The following FLCN variants were observed in gnomAD, a reference collection of about 807,000 sequenced individuals.
The protein encoded by FLCN is BHD skin lesion fibrofolliculoma protein.
In FLCN, 22 loss-of-function variants were observed where a neutral mutation model predicts 62.5. The ratio of observed to expected loss-of-function variants is 0.35; its 90% CI spans 0.25 to 0.50. FLCN has a LOEUF of 0.50. Ranked by LOEUF, FLCN falls within the 20% of genes least tolerant of loss-of-function variation. FLCN has a pLI of 0.97. For synonymous variants in FLCN, 319 were observed against 310.0 expected (o/e 1.03, Z -0.30); for missense variants, 657 against 778.0 (o/e 0.84, Z 1.85).
chr17:17,230,347 G>A (rs147077200), intron 3 of FLCN, among the ~76,000 whole-genome samples: 2,191 of 151,946 alleles, frequency 0.014, 33 homozygotes, highest in Non-Finnish European at 0.022. Context: ...CCTGGCCGAC[G>A]CAGTGAAACC....
At chr17:17,233,295 A>T (rs1424805978) in intron 1 of FLCN, among the ~76,000 whole-genome samples, 2 of 152,100 alleles carry the variant, frequency 1.3e-5, no homozygotes, top group Non-Finnish European at 2.9e-5. Flanking sequence ...TCTACAAAAA[A>T]TTTTTAAAAA....
At chr17:17,234,114 GT>G (rs2047506861) in intron 1 of FLCN, among the ~76,000 whole-genome samples, 1 of 151,472 alleles carries the variant, frequency 6.6e-6, no homozygotes, top group Non-Finnish European at 1.5e-5. Flanking sequence ...AGGCCTGGCA[GT>G]TTCCTTCTCA....
At chr17:17,226,869 AG>A (rs1206756756) in intron 4 of FLCN, among the ~76,000 whole-genome samples, 6 of 152,208 alleles carry the variant, frequency 3.9e-5, no homozygotes, top group Non-Finnish European at 7.4e-5. Flanking sequence ...GCCCCGCTGC[AG>A]CCACAGCCAC....
chr17:17,221,654 G>A (rs2047095204), intron 7 of FLCN, 26 bp from the exon 8 acceptor site: 2 of 1,601,540 alleles, frequency 1.2e-6, no homozygotes, highest in Middle Eastern at 1.7e-4. Context: ...CCAGCTATGA[G>A]CGTTCTCGCC....
chr17:17,231,175 G>C (rs1166163317), intron 3 of FLCN, among the ~76,000 whole-genome samples: 1 of 152,194 alleles, frequency 6.6e-6, no homozygotes, highest in Non-Finnish European at 1.5e-5. Context: ...AGTCCAGCCT[G>C]GGCGACAGAG....
rs41419545 is a variant in FLCN, at chr17:17,215,284, C to G, written c.1333G>C (p.Ala445Pro). Residue 445 changes from alanine (A) to proline (P), a missense_variant, in exon 12 of 14, where the codon GCA becomes CCA. Transcript: ENST00000285071. Reference sequence around the variant, plus strand: ...CCCACAGGGTGGAGGGTGGAACGTGCGGCTGCGTGGACCTCCACGATGACA... The same window carrying G: ...CCCACAGGGTGGAGGGTGGAACGTGGGGCTGCGTGGACCTCCACGATGACA... ...FAVIVEVHAA[A>P]RSTLHPVGCE... 3.1e-6 allele frequency: 5 copies of G among 1,613,964 alleles called. No individual in the cohort carries two copies. Among genetic ancestry groups the G allele is most frequent in the Non-Finnish European group, 4.2e-6 (5 of 1,180,034 alleles).
chr17:17,227,848 T>C (rs957947029), intron 4 of FLCN, 41 bp downstream of exon 4: 6 of 1,613,634 alleles, frequency 3.7e-6, no homozygotes, highest in Non-Finnish European at 5.1e-6. Context: ...ATCCCACACC[T>C]ACTGCAGGGA....
At chr17:17,222,785 A>G in intron 6 of FLCN, 124 bp from the exon 7 acceptor site, 1 of 1,128,610 alleles carries the variant, frequency 8.9e-7, no homozygotes, top group South Asian at 1.3e-5. Context: ...TACTCTCTCC[A>G]TGCAGAGCAC....
chr17:17,221,545 T>C lies in FLCN; in HGVS notation c.863A>G (p.Lys288Arg). Reference sequence around the variant, plus strand: ...CAGCACCCCTGCCTCACCAGCGAGCTTCTCCATCTGGACCAAGGTATCCTC... The same window carrying C: ...CAGCACCCCTGCCTCACCAGCGAGCCTCTCCATCTGGACCAAGGTATCCTC... The part of the protein sequence containing the change: ...PTEDTLVQME[K>R]LADLEEESES... Residue 288 changes from lysine (K) to arginine (R), a missense_variant, in exon 8 of 14, where the codon AAG (lysine) becomes AGG (arginine). Transcript: ENST00000285071. The C allele has an allele frequency of 1.9e-6, 3 of 1,613,234 alleles. No individual in the cohort carries two copies. Among genetic ancestry groups the C allele is most frequent in the Non-Finnish European group, 2.5e-6 (3 of 1,180,008 alleles).
At chr17:17,213,891 C>T (rs2144813997) in intron 13 of FLCN, 35 bp from the exon 14 acceptor site, 2 of 1,610,784 alleles carry the variant, frequency 1.2e-6, no homozygotes, top group African/African-American at 1.3e-5. Flanking sequence ...TCAGACACCA[C>T]AGCACAATCC....
At chr17:17,226,601 TC>T (rs1448360025) in intron 4 of FLCN, among the ~76,000 whole-genome samples, 1 of 152,112 alleles carries the variant, frequency 6.6e-6, no homozygotes, top group South Asian at 2.1e-4. Flanking sequence ...TCTCATTCAA[TC>T]CCAAGTGCCA....
At chr17:17,215,569 CA>C (rs1297451258) in intron 11 of FLCN, among the ~76,000 whole-genome samples, 1 of 152,236 alleles carries the variant, frequency 6.6e-6, no homozygotes, top group African/African-American at 2.4e-5. Flanking sequence ...TTATATACAT[CA>C]ATTTACCTCT....
At chr17:17,221,144 G>A (rs2047072199) in intron 8 of FLCN, 10 of 1,416,932 alleles carry the variant, frequency 7.1e-6, no homozygotes, top group Non-Finnish European at 8.3e-6. Context: ...GGGAACCACT[G>A]CCCTTCATGG....
Position 17,226,294 on chromosome 17 carries a change from G to A in FLCN, c.278C>T (p.Pro93Leu), listed in dbSNP as rs766548696. The A allele has an allele frequency of 2.0e-5, 32 of 1,614,040 alleles. No individual in the cohort carries two copies. In the East Asian group the frequency reaches 4.0e-4, roughly 20 times the overall value. ...EGCRSLAAGH[P>L]GYISHDKETS... The stretch of plus-strand genomic sequence containing the variant: ...CTCTTTATCATGGCTGATATATCCC[G>A]GGTGCCCTGCAGCAAGTGACCGGCA... The change falls in exon 5 of 14, where the codon CCG becomes CTG. Residue 93 changes from proline (P) to leucine (L), a missense_variant. By Grantham distance (98) the Pro-to-Leu change is moderately conservative. Transcript: ENST00000285071.
chr17:17,222,198 G>A (rs1433056738), intron 7 of FLCN, among the ~76,000 whole-genome samples: 1 of 152,148 alleles, frequency 6.6e-6, no homozygotes. Context: ...TTAGCTGGGT[G>A]TGGTGACAGG....
chr17:17,233,555 C>T (rs1161804761), intron 1 of FLCN, among the ~76,000 whole-genome samples: 3 of 137,282 alleles, frequency 2.2e-5, no homozygotes, highest in Middle Eastern at 4.0e-3. Context: ...GCCAAGATCA[C>T]GGCACTGCAC....
chr17:17,234,197 T>C (rs2047509570), intron 1 of FLCN, among the ~76,000 whole-genome samples: 1 of 148,722 alleles, frequency 6.7e-6, no homozygotes. Context: ...TGGGCTACAC[T>C]GTTTTGTTTT....
At chr17:17,215,456 C>CTT in intron 11 of FLCN, 140 bp from the exon 12 acceptor site, 2 of 1,335,924 alleles carry the variant, frequency 1.5e-6, no homozygotes, top group Non-Finnish European at 2.1e-6. Context: ...CAAATCAATG[C>CTT]TTTGGTATTT....
At position 17,213,030 on chromosome 17, in the gene FLCN, C is replaced by A. The variant is rs889112411; in HGVS notation, c.*625G>T. On this transcript the variant is annotated 3_prime_UTR_variant, in exon 14 of 14. Coordinates refer to ENST00000285071, the MANE Select transcript of FLCN (RefSeq NM_144997.7). ...TCATTAAGCCCCAGGTTACCTTCAC[C>A]AGCACCTGCAGGGGAACACCCCAGA... is the stretch of plus-strand genomic sequence containing the variant. The A allele has an allele frequency of 4.1e-6, 1 of 241,466 alleles. No individual in the cohort carries two copies. Among genetic ancestry groups the A allele is most frequent in the Non-Finnish European group, 8.2e-6 (1 of 122,312 alleles). The allele number at this position is 241,466 out of a possible 1,614,324, so 15.0% of individuals were successfully genotyped here.
Sources: allele counts gnomAD v4.1 joint callset (sites outside exome capture counted in the v4.1 genomes callset), GRCh38; gene constraint gnomAD v4.1.1; transcripts MANE v1.5; gene names NCBI Gene and HGNC (gene_info 2026-07-23, HGNC 2026-07-21).